The following LEKR1 variants were observed in gnomAD, a reference collection of about 807,000 sequenced individuals.
The protein encoded by LEKR1 is protein LEKR1.
In LEKR1, 59 loss-of-function variants were observed where a neutral mutation model predicts 72.4. The ratio of observed to expected loss-of-function variants is 0.82; its 90% CI spans 0.66 to 1.01. The LOEUF is 1.01. LEKR1 is among the 50% of genes least tolerant of loss of function. LEKR1 has a pLI of 0.00. For synonymous variants in LEKR1, 257 were observed against 263.2 expected, an observed-to-expected ratio of 0.98 and a Z score of 0.23; for missense variants, 728 against 759.2, an observed-to-expected ratio of 0.96 and a Z score of 0.48.
chr3:156,908,772 C>T (rs1426589148), intron 3 of LEKR1, among the ~76,000 whole-genome samples: 2 of 119,314 alleles, frequency 1.7e-5, no homozygotes, highest in East Asian at 4.2e-4. Context: ...TGCTTCTGAG[C>T]TTTCATTTTT....
intron 3 of LEKR1, among the ~76,000 whole-genome samples, chr3:156,885,550 G>C (rs1576741981): frequency 1.3e-5 from 2 of 152,274 alleles, no homozygotes; most frequent in South Asian, 4.1e-4. Flanking sequence ...GATTGTTATT[G>C]CTCTTCTATG....
chr3:156,919,471 G>A (rs1723985098), intron 3 of LEKR1, among the ~76,000 whole-genome samples: 1 of 152,176 alleles, frequency 6.6e-6, no homozygotes, highest in Admixed American at 6.5e-5. Flanking sequence ...GAATTGTGCA[G>A]TGACTGGTCT....
chr3:156,994,281 T>A (rs1731370761), intron 9 of LEKR1, among the ~76,000 whole-genome samples: 1 of 152,152 alleles, frequency 6.6e-6, no homozygotes, highest in Non-Finnish European at 1.5e-5. Flanking sequence ...TATCTTAGAA[T>A]TAGATTTTTT....
intron 3 of LEKR1, among the ~76,000 whole-genome samples, chr3:156,879,260 C>A (rs1718990111): frequency 6.6e-6 from 1 of 152,100 alleles, no homozygotes; most frequent in Middle Eastern, 3.2e-3. Flanking sequence ...GAGGTGGTCT[C>A]AGATGGGGAT....
chr3:156,868,652 G>A (rs908761699), intron 3 of LEKR1, among the ~76,000 whole-genome samples: 2 of 151,982 alleles, frequency 1.3e-5, no homozygotes, highest in African/African-American at 4.8e-5. Context: ...ATCACCTTGA[G>A]TTTTTATAAT....
At chr3:157,007,180 C>G (rs552309391) in intron 9 of LEKR1, among the ~76,000 whole-genome samples, 13 of 152,094 alleles carry the variant, frequency 8.5e-5, no homozygotes, top group Non-Finnish European at 1.6e-4. Flanking sequence ...CAGCCTGGGC[C>G]ACAGAGCGAG....
chr3:156,960,438 A>G (rs760248835), intron 6 of LEKR1, among the ~76,000 whole-genome samples: 3 of 152,038 alleles, frequency 2.0e-5, no homozygotes, highest in Non-Finnish European at 4.4e-5. Context: ...GACATGCGCC[A>G]CCAAGCCTGG....
intron 11 of LEKR1, among the ~76,000 whole-genome samples, chr3:157,025,208 G>A (rs547338304): frequency 1.3e-5 from 2 of 152,262 alleles, no homozygotes; most frequent in Admixed American, 6.5e-5. Flanking sequence ...AGTACGGCTA[G>A]ATATTTCAAC....
chr3:156,949,455 A>G (rs1451720606), intron 6 of LEKR1, among the ~76,000 whole-genome samples: 1 of 151,660 alleles, frequency 6.6e-6, no homozygotes, highest in Non-Finnish European at 1.5e-5. Flanking sequence ...AGCTTTATCA[A>G]AGATCAGATT....
chr3:156,878,102 T>A (rs527770099), intron 3 of LEKR1, among the ~76,000 whole-genome samples: 2 of 150,500 alleles, frequency 1.3e-5, no homozygotes, highest in East Asian at 3.9e-4. Flanking sequence ...CTTTTTTACT[T>A]TTTTTTTTGT....
At chr3:156,892,657 ACCAT>A (rs1720781118) in intron 3 of LEKR1, among the ~76,000 whole-genome samples, 2 of 152,292 alleles carry the variant, frequency 1.3e-5, no homozygotes, top group South Asian at 2.1e-4. Flanking sequence ...CCTCACACTG[ACCAT>A]AACTCATTCT....
chr3:156,870,723 G>A (rs1717826142), intron 3 of LEKR1, among the ~76,000 whole-genome samples: 1 of 152,078 alleles, frequency 6.6e-6, no homozygotes, highest in Non-Finnish European at 1.5e-5. Flanking sequence ...TGGAATAGGA[G>A]TAGTGAAAGT....
intron 12 of LEKR1, among the ~76,000 whole-genome samples, chr3:157,038,881 C>T (rs961476232): frequency 1.3e-5 from 2 of 152,166 alleles, no homozygotes; most frequent in East Asian, 1.9e-4. Context: ...AGAATAAAGA[C>T]TGTAATTAGC....
intron 3 of LEKR1, among the ~76,000 whole-genome samples, chr3:156,892,380 C>A (rs531088609): frequency 1.3e-5 from 2 of 152,038 alleles, no homozygotes; most frequent in Non-Finnish European, 2.9e-5. Flanking sequence ...ACGAAATTCT[C>A]GGGGCAATTT....
intron 9 of LEKR1, among the ~76,000 whole-genome samples, chr3:157,006,591 T>C (rs1183036298): frequency 6.6e-6 from 1 of 152,188 alleles, no homozygotes; most frequent in African/African-American, 2.4e-5. Flanking sequence ...AGCCAAAATA[T>C]ATACAACAAC....
intron 7 of LEKR1, among the ~76,000 whole-genome samples, chr3:156,988,959 G>C (rs1246356141): frequency 1.3e-5 from 2 of 152,188 alleles, no homozygotes; most frequent in Non-Finnish European, 2.9e-5. Context: ...AGCCTCCCGA[G>C]TAGCTGAGAT....
At chr3:157,012,860 A>T (rs1036507058) in intron 10 of LEKR1, among the ~76,000 whole-genome samples, 2 of 152,008 alleles carry the variant, frequency 1.3e-5, no homozygotes, top group East Asian at 3.9e-4. Context: ...TATTCAACTG[A>T]CTGGTCTGCA....
intron 12 of LEKR1, among the ~76,000 whole-genome samples, chr3:157,034,341 C>G (rs951062809): frequency 6.6e-6 from 1 of 152,106 alleles, no homozygotes; most frequent in Non-Finnish European, 1.5e-5. Context: ...CCATTCAGAA[C>G]ATTCCTAATT....
intron 6 of LEKR1, among the ~76,000 whole-genome samples, chr3:156,950,125 G>T (rs1185532944): frequency 6.6e-6 from 1 of 151,156 alleles, no homozygotes; most frequent in East Asian, 1.9e-4. Context: ...TTTCACCCAA[G>T]ATTTCAAAGC....
Sources: allele counts gnomAD v4.1 joint callset (sites outside exome capture counted in the v4.1 genomes callset), GRCh38; gene constraint gnomAD v4.1.1; transcripts MANE v1.5; gene names NCBI Gene and HGNC (gene_info 2026-07-23, HGNC 2026-07-21).